CDH8: variants seen among roughly 807,000 people sequenced by gnomAD.
CDH8 encodes the protein cadherin 8.
Under a neutral mutation model 68.1 loss-of-function variants are expected in CDH8, and 17 were observed. The observed-to-expected ratio is 0.25, with a 90% CI of 0.17 to 0.37. The LOEUF (loss-of-function observed/expected upper bound fraction) is 0.37. Among genes scored for constraint, CDH8 ranks in the 10% least tolerant of loss-of-function variants. The probability of loss-of-function intolerance (pLI) is 1.00; values close to 1 mark genes in which losing one functional copy is unlikely to be tolerated. For missense variants in CDH8, 763 were observed against 999.3 expected, an observed-to-expected ratio of 0.76 and a Z score of 3.19; for synonymous variants, 372 against 365.1, an observed-to-expected ratio of 1.02 and a Z score of -0.21.
At chr16:61,656,072 C>T (rs1963442278) in intron 10 of CDH8, among the ~76,000 whole-genome samples, 1 of 152,052 alleles carries the variant, frequency 6.6e-6, no homozygotes, top group Non-Finnish European at 1.5e-5. Flanking sequence ...CGGAGTTTCA[C>T]CGTGTTAGCC....
chr16:61,770,739 G>C (rs992344396), intron 8 of CDH8, among the ~76,000 whole-genome samples: 1 of 151,888 alleles, frequency 6.6e-6, no homozygotes, highest in Non-Finnish European at 1.5e-5. Flanking sequence ...CCTATCTGTG[G>C]TTTGGATGCT....
chr16:62,017,684 C>T (rs1243653738), intron 2 of CDH8, among the ~76,000 whole-genome samples: 1 of 152,040 alleles, frequency 6.6e-6, no homozygotes, highest in Non-Finnish European at 1.5e-5. Flanking sequence ...TAAAAAGAAA[C>T]CAATATATTT....
chr16:61,704,762 A>G (rs1367691361), intron 10 of CDH8, among the ~76,000 whole-genome samples: 1 of 152,216 alleles, frequency 6.6e-6, no homozygotes, highest in Non-Finnish European at 1.5e-5. Context: ...TATGTCTTCT[A>G]ACACCACATG....
Position 61,817,466 on chromosome 16 carries a change from A to T in CDH8, c.1277+13T>A, listed in dbSNP as rs762794934. 1.9e-6 allele frequency: 3 copies of T among 1,613,580 alleles called. No individual in the cohort carries two copies. In the South Asian group the frequency reaches 3.3e-5, roughly 18 times the overall value. On this transcript the variant is annotated intron_variant, in intron 7 of 11. Coordinates refer to ENST00000577390, the MANE Select transcript of CDH8 (RefSeq NM_001796.5). Reference sequence around the variant, plus strand: ...ATTTGCAGTAGCCAGTATTCCTTTTAAAATAAAAATACCTTATAGGACTGG... The same window carrying T: ...ATTTGCAGTAGCCAGTATTCCTTTTTAAATAAAAATACCTTATAGGACTGG...
At chr16:61,828,144 T>G (rs868068083) in intron 4 of CDH8, among the ~76,000 whole-genome samples, 8 of 151,548 alleles carry the variant, frequency 5.3e-5, no homozygotes, top group Middle Eastern at 3.4e-3. Context: ...AAAACCAAGA[T>G]AGCGACAAGA....
At chr16:61,873,222 C>T (rs867207647) in intron 3 of CDH8, among the ~76,000 whole-genome samples, 12 of 152,130 alleles carry the variant, frequency 7.9e-5, no homozygotes, top group Middle Eastern at 3.4e-3. Flanking sequence ...TTTTGATAAA[C>T]GCCTGTGTCC....
At position 61,950,421 on chromosome 16, in the gene CDH8, G is replaced by A. The variant is rs538812790; in HGVS notation, c.253-48948C>T. 3.9e-5 allele frequency among the ~76,000 whole-genome samples: 6 copies of A among 152,276 alleles called. No homozygotes were observed. In the South Asian group the frequency reaches 1.2e-3, roughly 32 times the overall value. ...ATAAGAGTTCAATACTTATTGTTGA[G>A]TGAATCAATGTTTAAAAAAATTAAA... On this transcript the variant is annotated intron_variant, in intron 2 of 11. Transcript: ENST00000577390.
intron 2 of CDH8, among the ~76,000 whole-genome samples, chr16:61,981,779 G>A (rs1597106445): frequency 6.6e-6 from 1 of 152,108 alleles, no homozygotes; most frequent in South Asian, 2.1e-4. Flanking sequence ...CCAGGAAATG[G>A]ACAGTAATAT....
chr16:61,681,289 C>T (rs1964008123), intron 10 of CDH8, among the ~76,000 whole-genome samples: 2 of 151,876 alleles, frequency 1.3e-5, no homozygotes, highest in Non-Finnish European at 2.9e-5. Context: ...CCATCAGCTG[C>T]TGCATGAATA....
chr16:61,884,240 CT>C (rs756865872), intron 3 of CDH8, among the ~76,000 whole-genome samples: 2 of 152,174 alleles, frequency 1.3e-5, no homozygotes, highest in Non-Finnish European at 2.9e-5. Flanking sequence ...TCTGCCATCC[CT>C]GAGACAGCAA....
chr16:61,766,108 C>G (rs1177876886), intron 8 of CDH8, among the ~76,000 whole-genome samples: 1 of 151,652 alleles, frequency 6.6e-6, no homozygotes, highest in Non-Finnish European at 1.5e-5. Context: ...GTACATTGTA[C>G]CCAATAGGTA....
chr16:61,975,430 C>T (rs772104158), intron 2 of CDH8, among the ~76,000 whole-genome samples: 1 of 152,134 alleles, frequency 6.6e-6, no homozygotes, highest in Non-Finnish European at 1.5e-5. Flanking sequence ...CTCTGTCAGT[C>T]AAATGATGGC....
At chr16:61,844,395 C>A (rs1012493503) in intron 4 of CDH8, among the ~76,000 whole-genome samples, 3 of 151,862 alleles carry the variant, frequency 2.0e-5, no homozygotes, top group Non-Finnish European at 2.9e-5. Context: ...CAAACCTGCA[C>A]GTTGTGCACA....
chr16:61,959,725 T>C (rs1344363359), intron 2 of CDH8, among the ~76,000 whole-genome samples: 1 of 150,122 alleles, frequency 6.7e-6, no homozygotes, highest in Non-Finnish European at 1.5e-5. Flanking sequence ...CACATATATA[T>C]ACACACACAT....
chr16:61,933,385 T>G (rs1013807625), intron 2 of CDH8, among the ~76,000 whole-genome samples: 1 of 152,180 alleles, frequency 6.6e-6, no homozygotes, highest in Non-Finnish European at 1.5e-5. Flanking sequence ...TATTGAACTT[T>G]TACCCACAAG....
At chr16:61,791,814 T>C (rs549366152) in intron 7 of CDH8, among the ~76,000 whole-genome samples, 59 of 152,206 alleles carry the variant, frequency 3.9e-4, no homozygotes, top group Non-Finnish European at 6.3e-4. Context: ...ATATGCATCA[T>C]GCAGAACTCA....
intron 3 of CDH8, among the ~76,000 whole-genome samples, chr16:61,873,682 ACT>A (rs1567509308): frequency 1.3e-5 from 2 of 152,116 alleles, no homozygotes; most frequent in Non-Finnish European, 1.5e-5. Context: ...ATGTGATATA[ACT>A]CTGTTTTTCA....
intron 2 of CDH8, among the ~76,000 whole-genome samples, chr16:61,986,590 C>G (rs1965633111): frequency 6.6e-6 from 1 of 152,158 alleles, no homozygotes; most frequent in Non-Finnish European, 1.5e-5. Context: ...ATTATGAGAA[C>G]TAAGTCTGAG....
intron 2 of CDH8, among the ~76,000 whole-genome samples, chr16:61,944,363 GT>G (rs1213603911): frequency 1.3e-5 from 2 of 152,114 alleles, no homozygotes; most frequent in African/African-American, 4.8e-5. Flanking sequence ...ATTCAGATAC[GT>G]TTAACAGAAA....
Sources: allele counts gnomAD v4.1 joint callset (sites outside exome capture counted in the v4.1 genomes callset), GRCh38; gene constraint gnomAD v4.1.1; transcripts MANE v1.5; gene names NCBI Gene and HGNC (gene_info 2026-07-23, HGNC 2026-07-21).